The following HECW1 variants were observed in gnomAD, a reference collection of about 807,000 sequenced individuals.
The protein encoded by HECW1 is E3 ubiquitin-protein ligase HECW1.
HECW1 carries 61 observed loss-of-function variants against 182.3 expected under a neutral mutation model. The observed-to-expected ratio is 0.33, with a 90% CI of 0.27 to 0.41. HECW1 has a LOEUF of 0.41. HECW1 is among the 10% of genes least tolerant of loss of function. The pLI, the probability that HECW1 is intolerant of heterozygous loss-of-function variation, is 1.00. For synonymous variants in HECW1, 859 were observed against 832.6 expected (o/e 1.03, Z -0.55); for missense variants, 1,739 against 2,108.9 (o/e 0.82, Z 3.44).
At chr7:43,345,791 C>CATATAT (rs71562090) in intron 5 of HECW1, among the ~76,000 whole-genome samples, 5 of 45,084 alleles carry the variant, frequency 1.1e-4, no homozygotes, top group African/African-American at 3.6e-4. Context: ...AGTATTCCAT[C>CATATAT]ATATATATAC....
intron 2 of HECW1, among the ~76,000 whole-genome samples, chr7:43,224,001 C>T (rs995661724): frequency 6.6e-6 from 1 of 152,214 alleles, no homozygotes; most frequent in African/African-American, 2.4e-5. Flanking sequence ...CTCCCACATT[C>T]ATGTATCATT....
intron 5 of HECW1, among the ~76,000 whole-genome samples, chr7:43,350,043 TGTA>T (rs1283636293): frequency 2.0e-5 from 3 of 152,204 alleles, no homozygotes; most frequent in Non-Finnish European, 4.4e-5. Flanking sequence ...TAGCAGTTCT[TGTA>T]GTGGTGGTTT....
At chr7:43,221,314 CTG>C (rs1303045760) in intron 2 of HECW1, among the ~76,000 whole-genome samples, 1 of 152,100 alleles carries the variant, frequency 6.6e-6, no homozygotes, top group East Asian at 1.9e-4. Flanking sequence ...GTTTCTGACA[CTG>C]TGTTTCCAGG....
At position 43,541,913 on chromosome 7, in the gene HECW1, A is replaced by C; in HGVS notation, c.4163A>C (p.His1388Pro). 1.3e-6 allele frequency: 2 copies of C among 1,553,736 alleles called. No homozygotes were observed. Among genetic ancestry groups the C allele is most frequent in the Non-Finnish European group, 1.7e-6 (2 of 1,149,776 alleles). The change falls in exon 26 of 30, where the codon CAC becomes CCC. Residue 1388 changes from histidine to proline, a missense_variant. This residue lies in a region of HECW1 where 420 missense variants were observed against 595.7 expected (regional missense o/e 0.71). Coordinates refer to ENST00000395891, the MANE Select transcript of HECW1 (RefSeq NM_015052.5). ...SDLEYLDEEF[H>P]QSLQWMKDNN... is the part of the protein sequence containing the mutation. The stretch of plus-strand genomic sequence containing the variant: ...CTGGAATATTTGGATGAGGAATTCC[A>C]CCAGAGTTTGCAGTGGATGAAGGAC...
chr7:43,364,400 T>C (rs531317474), intron 6 of HECW1, among the ~76,000 whole-genome samples: 19 of 152,362 alleles, frequency 1.2e-4, no homozygotes, highest in African/African-American at 4.3e-4. Context: ...GATGTGCTTA[T>C]AGAGATAAAT....
intron 2 of HECW1, among the ~76,000 whole-genome samples, chr7:43,212,109 T>C (rs1023442726): frequency 6.6e-6 from 1 of 152,258 alleles, no homozygotes; most frequent in Non-Finnish European, 1.5e-5. Context: ...ATCCCTCAGC[T>C]AAGAGAGCAG....
intron 5 of HECW1, among the ~76,000 whole-genome samples, chr7:43,359,366 G>A (rs745552609): frequency 1.1e-4 from 17 of 152,142 alleles, no homozygotes; most frequent in Non-Finnish European, 2.2e-4. Context: ...AATGGATGCC[G>A]GGTAGGTATC....
rs180955691 is a variant in HECW1, at chr7:43,238,011, T to C, written c.-31-5864T>C. 1.1e-3 allele frequency among the ~76,000 whole-genome samples: 162 copies of C among 152,320 alleles called. 1 individual carries two copies. The Middle Eastern group carries it at 0.031, about 29-fold the overall frequency. On this transcript the variant is annotated intron_variant, in intron 2 of 29. Transcript: ENST00000395891. The stretch of plus-strand genomic sequence containing the variant: ...AATTCTGCCCCATCATATTGCTTTT[T>C]GTAAAAGGAAAATGTTTTGATAGTC...
At chr7:43,275,295 T>A (rs1259868962) in intron 3 of HECW1, among the ~76,000 whole-genome samples, 2 of 152,192 alleles carry the variant, frequency 1.3e-5, no homozygotes, top group African/African-American at 4.8e-5. Context: ...TCTCATAACA[T>A]AATGTTACAT....
Position 43,429,688 on chromosome 7 carries a change from A to G in HECW1, c.802-8315A>G, listed in dbSNP as rs541117714. ...CTAAGGAAAAGTAGCTATAGTTCACATGCTCCATTTGCTTCTTGCCTGCTC... is the reference window on the plus strand; with the variant it reads ...CTAAGGAAAAGTAGCTATAGTTCACGTGCTCCATTTGCTTCTTGCCTGCTC... On this transcript the variant is annotated intron_variant, in intron 8 of 29. Coordinates refer to ENST00000395891, the MANE Select transcript of HECW1 (RefSeq NM_015052.5). 3.9e-5 allele frequency among the ~76,000 whole-genome samples: 6 copies of G among 152,312 alleles called. No homozygotes were observed. The East Asian group carries it at 1.2e-3, about 29-fold the overall frequency.
chr7:43,244,691 T>C (rs887092166), intron 3 of HECW1, among the ~76,000 whole-genome samples: 2 of 152,178 alleles, frequency 1.3e-5, no homozygotes, highest in East Asian at 1.9e-4. Context: ...GAGCATTGAT[T>C]CCCACTGAGG....
intron 2 of HECW1, chr7:43,161,728 C>T (rs550861130): frequency 6.6e-6 from 1 of 152,242 alleles, no homozygotes; most frequent in African/African-American, 2.4e-5. Flanking sequence ...CTCTGTATCA[C>T]TAAGGTGATT....
intron 8 of HECW1, among the ~76,000 whole-genome samples, chr7:43,414,868 T>C (rs1465635317): frequency 1.3e-5 from 2 of 152,126 alleles, no homozygotes; most frequent in African/African-American, 2.4e-5. Context: ...CAGTATTTTA[T>C]TGAGGATTTT....
chr7:43,210,833 G>GTC (rs1193696868), intron 2 of HECW1, among the ~76,000 whole-genome samples: 1 of 152,216 alleles, frequency 6.6e-6, no homozygotes, highest in African/African-American at 2.4e-5. Flanking sequence ...TCAGTAGTGG[G>GTC]TCTGCAATGG....
intron 1 of HECW1, 36 bp from the exon 2 acceptor site, chr7:43,114,121 A>G (rs921434879): frequency 3.1e-6 from 2 of 651,986 alleles, no homozygotes; most frequent in East Asian, 4.0e-5. Flanking sequence ...CAGTGGTGCA[A>G]TTCTCCCCTT....
chr7:43,364,420 G>A (rs1816356737), intron 6 of HECW1, among the ~76,000 whole-genome samples: 1 of 152,166 alleles, frequency 6.6e-6, no homozygotes. Context: ...TGAAATATAA[G>A]CCCTGTCACT....
chr7:43,429,289 CATATATATATATAT>C (rs57627873), intron 8 of HECW1, among the ~76,000 whole-genome samples: 2,852 of 106,616 alleles, frequency 0.027, 73 homozygotes, highest in East Asian at 0.093. Context: ...ATATTATATG[CATATATATATATAT>C]ATATATATAT....
intron 6 of HECW1, among the ~76,000 whole-genome samples, chr7:43,385,031 G>A (rs564850048): frequency 5.3e-5 from 8 of 152,130 alleles, no homozygotes; most frequent in African/African-American, 1.4e-4. Flanking sequence ...AGGACAAAAC[G>A]CAGTTCTGGA....
chr7:43,320,880 T>C (rs1244069455), intron 5 of HECW1, 138 bp downstream of exon 5: 4 of 690,602 alleles, frequency 5.8e-6, no homozygotes, highest in Non-Finnish European at 1.0e-5. Context: ...AAAGAGATCC[T>C]TAAAAAGATG....
Sources: gnomAD v4.1 joint callset for allele counts (sites outside exome capture counted in the v4.1 genomes callset) on GRCh38, gnomAD v4.1.1 for gene constraint, gnomAD v4.1.1 regional missense constraint, MANE v1.5 for transcripts, NCBI Gene and HGNC (gene_info 2026-07-23, HGNC 2026-07-21) for gene names.